The following ACBD5 variants were observed in gnomAD, a reference collection of about 807,000 sequenced individuals.
The protein encoded by ACBD5 is acyl-CoA binding domain containing 5.
In ACBD5, 40 loss-of-function variants were observed where a neutral mutation model predicts 71.8. The ratio of observed to expected loss-of-function variants is 0.56; its 90% CI spans 0.43 to 0.72. ACBD5 has a LOEUF of 0.72. ACBD5 is among the 30% of genes least tolerant of loss of function. The probability of loss-of-function intolerance (pLI) is 0.00; values close to 1 mark genes in which losing one functional copy is unlikely to be tolerated. For synonymous variants in ACBD5, 229 were observed against 218.6 expected (o/e 1.05, Z -0.42); for missense variants, 559 against 644.5 (o/e 0.87, Z 1.44).
intron 3 of ACBD5, among the ~76,000 whole-genome samples, chr10:27,233,224 C>T (rs1006369804): frequency 6.6e-6 from 1 of 151,976 alleles, no homozygotes; most frequent in Non-Finnish European, 1.5e-5. Context: ...GTCAGGAGTT[C>T]GAGACTAGCC....
chr10:27,223,723 C>T (rs144449515), intron 4 of ACBD5, among the ~76,000 whole-genome samples: 45 of 151,740 alleles, frequency 3.0e-4, no homozygotes, highest in African/African-American at 1.1e-3. Flanking sequence ...CTTGGCAACA[C>T]AGTGAGACCC....
At chr10:27,231,516 C>T (rs1209008619) in intron 4 of ACBD5, among the ~76,000 whole-genome samples, 2 of 152,072 alleles carry the variant, frequency 1.3e-5, no homozygotes, top group Non-Finnish European at 2.9e-5. Context: ...GACTCCATCT[C>T]AAAACAAAAA....
chr10:27,210,656 G>T (rs753685404), intron 9 of ACBD5, among the ~76,000 whole-genome samples, 158 bp downstream of exon 9: 1 of 152,152 alleles, frequency 6.6e-6, no homozygotes, highest in Non-Finnish European at 1.5e-5. Context: ...TACTCAGGAG[G>T]CTGAGGCAGG....
chr10:27,199,686 C>T (rs2059712680), intron 12 of ACBD5, among the ~76,000 whole-genome samples: 1 of 152,128 alleles, frequency 6.6e-6, no homozygotes, highest in Non-Finnish European at 1.5e-5. Context: ...CTGAGACCCT[C>T]CCCACTCCCA....
chr10:27,193,793 G>A (rs751942851), downstream of ACBD5, among the ~76,000 whole-genome samples: 43 of 152,254 alleles, frequency 2.8e-4, no homozygotes, highest in South Asian at 1.2e-3. Context: ...GCACCTTCCC[G>A]GCCCTGGACT....
intron 9 of ACBD5, among the ~76,000 whole-genome samples, chr10:27,209,404 C>T (rs963673452): frequency 6.6e-6 from 1 of 152,148 alleles, no homozygotes; most frequent in Non-Finnish European, 1.5e-5. Flanking sequence ...CTCACTGCAA[C>T]CTCCGCCTCC....
At chr10:27,233,428 GAA>G (rs11308411) in intron 3 of ACBD5, among the ~76,000 whole-genome samples, 162 of 128,930 alleles carry the variant, frequency 1.3e-3, no homozygotes, top group African/African-American at 4.0e-3. Context: ...TCCGTCTGAA[GAA>G]AAAAAAAAAA....
chr10:27,218,754 T>C (rs1410730669), intron 6 of ACBD5, among the ~76,000 whole-genome samples: 7 of 151,920 alleles, frequency 4.6e-5, no homozygotes, highest in African/African-American at 1.7e-4. Flanking sequence ...CCTGGCTAAT[T>C]TTTGTATTTT....
intron 5 of ACBD5, among the ~76,000 whole-genome samples, chr10:27,220,875 T>C (rs2062250469): frequency 6.6e-6 from 1 of 152,166 alleles, no homozygotes; most frequent in South Asian, 2.1e-4. Flanking sequence ...TTTAAGGAAA[T>C]GCTTTGTTTA....
downstream of ACBD5, among the ~76,000 whole-genome samples, chr10:27,190,615 AT>A: frequency 7.1e-6 from 1 of 140,274 alleles, no homozygotes; most frequent in Admixed American, 7.6e-5. Flanking sequence ...TTAGCCATTT[AT>A]AAAAATGCTG....
At chr10:27,235,558 G>T (rs1455673611) in intron 2 of ACBD5, among the ~76,000 whole-genome samples, 1 of 152,222 alleles carries the variant, frequency 6.6e-6, no homozygotes, top group Non-Finnish European at 1.5e-5. Context: ...TCGTAATAAG[G>T]TACTTTTATT....
chr10:27,187,028 G>A (rs1189795059), intron 13 of ACBD5: 1 of 204,170 alleles, frequency 4.9e-6, no homozygotes, highest in Non-Finnish European at 1.0e-5. Flanking sequence ...AAGGCCGGGC[G>A]CAGTGGCTCA....
In ACBD5 at chr10:27,210,917, T is replaced by C. The variant is rs770487873; in HGVS notation, c.1101A>G (p.Glu367=). 6.2e-7 allele frequency: 1 copy of C among 1,614,086 alleles called. No homozygotes were observed. The highest frequency in any genetic ancestry group is 1.3e-5 in the African/African-American group (1 of 74,928). ...TGCCATCTTCTCCTCCATGCTTGAC[T>C]TCACCTTTTCCTTCAACTGCAACCA... ...MQVVAVEGKG[E]VKHGGEDGRN... The change falls in exon 9 of 13, where the codon GAA becomes GAG. Residue 367 remains glutamate (E), a synonymous_variant. Transcript: ENST00000396271.
Position 27,219,762 on chromosome 10 carries a change from C to T in ACBD5, c.586G>A (p.Ala196Thr), listed in dbSNP as rs767844063. 4 of 1,614,030 alleles carry T rather than the reference C, an allele frequency of 2.5e-6. No individual in the cohort carries two copies. Among genetic ancestry groups the T allele is most frequent in the Middle Eastern group, 1.6e-4 (1 of 6,062 alleles). The change falls in exon 6 of 13, where the codon GCC (alanine) becomes ACC (threonine). Residue 196 changes from alanine to threonine, a missense_variant. Transcript: ENST00000396271. ...DSGAESEEEEAQEEVKGAEQS... is the reference protein window; with the variant it reads ...DSGAESEEEETQEEVKGAEQS... ...TCTGCTCCTTTCACTTCTTCTTGGG[C>T]CTCTTCTTCCTCAGACTCGGCTCCA... is the stretch of plus-strand genomic sequence containing the variant.
chr10:27,195,510 T>C lies in ACBD5; in HGVS notation c.*1920A>G. On this transcript the variant is annotated 3_prime_UTR_variant, in exon 13 of 13. Coordinates refer to ENST00000396271, the MANE Select transcript of ACBD5 (RefSeq NM_145698.5). Reference sequence around the variant, plus strand: ...TTACACTCTTAATTTGCATTTTATTTATTTATATACTAAGAGAAAAGACAC... The same window carrying C: ...TTACACTCTTAATTTGCATTTTATTCATTTATATACTAAGAGAAAAGACAC... 1 of 453,810 alleles carries C rather than the reference T, an allele frequency of 2.2e-6. No individual in the cohort carries two copies. Among genetic ancestry groups the C allele is most frequent in the Non-Finnish European group, 4.4e-6 (1 of 226,662 alleles). 28.1% of individuals were successfully genotyped at this position (453,810 alleles called of 1,614,324 possible). A position where few individuals can be genotyped will look rare whatever the true frequency, so the allele number is the denominator to read the frequency against.
chr10:27,207,954 C>T (rs1331443127), intron 10 of ACBD5, among the ~76,000 whole-genome samples: 1 of 152,122 alleles, frequency 6.6e-6, no homozygotes, highest in East Asian at 1.9e-4. Context: ...AGTCTGGTCT[C>T]AAACTCCTGA....
Position 27,218,589 on chromosome 10 carries a change from T to G in ACBD5, c.626-406A>C, listed in dbSNP as rs1218782180. On this transcript the variant is annotated intron_variant, in intron 6 of 12. Transcript: ENST00000396271. ...GGGAAGGCAAAACTAAGTTACACAG[T>G]TTTTTTTTTTTTTTGAGACAAAGTC... Among the ~76,000 whole-genome samples, 5 of 11,918 alleles carry G rather than the reference T, an allele frequency of 4.2e-4. No individual in the cohort carries two copies. In the Non-Finnish European group the frequency reaches 0.012, roughly 29 times the overall value. The allele number at this position is 11,918 out of a possible 152,430, so 7.8% of individuals were successfully genotyped here. A position where few individuals can be genotyped will look rare whatever the true frequency, so the allele number is the denominator to read the frequency against.
rs780671034 is a variant in ACBD5, at chr10:27,218,051, C to T, written c.758G>A (p.Ser253Asn). The change falls in exon 7 of 13, where the codon AGC becomes AAC. Residue 253 changes from serine (S) to asparagine (N), a missense_variant. By Grantham distance (46) the Ser-to-Asn change is conservative. Transcript: ENST00000396271. ...ATCAATGGGCTTTACTTCTTCAGTG[C>T]TTCTGCCATTCAGGGAAGAACTGGC... ...IHASSSLNGRSTEEVKPIDEN... is the reference protein window; with the variant it reads ...IHASSSLNGRNTEEVKPIDEN... 1 of 1,614,162 alleles carries T rather than the reference C, an allele frequency of 6.2e-7. No individual in the cohort carries two copies. Among genetic ancestry groups the T allele is most frequent in the African/African-American group, 1.3e-5 (1 of 75,044 alleles).
intron 13 of ACBD5, chr10:27,186,278 G>GT: frequency 1.7e-6 from 2 of 1,184,526 alleles, no homozygotes; most frequent in Non-Finnish European, 2.5e-6. Flanking sequence ...ATAAAGTAAG[G>GT]TAAGTTATAT....
Sources: allele counts gnomAD v4.1 joint callset (sites outside exome capture counted in the v4.1 genomes callset), GRCh38; gene constraint gnomAD v4.1.1; transcripts MANE v1.5; gene names NCBI Gene and HGNC (gene_info 2026-07-23, HGNC 2026-07-21).